Variants in VPS50 observed in about 807,000 individuals in gnomAD.
The protein encoded by VPS50 is syndetin.
Under a neutral mutation model 139.7 loss-of-function variants are expected in VPS50, and 70 were observed. That is an observed-to-expected ratio of 0.50 (90% CI 0.41 to 0.61). The LOEUF is 0.61. VPS50 is among the 20% of genes least tolerant of loss of function. The probability of loss-of-function intolerance (pLI) is 0.00; values close to 1 mark genes in which losing one functional copy is unlikely to be tolerated. For missense variants in VPS50, 921 were observed against 1,133.7 expected (o/e 0.81, Z 2.69); for synonymous variants, 365 against 376.7 (o/e 0.97, Z 0.36).
chr7:93,292,389 G>A (rs749177217), intron 13 of VPS50, among the ~76,000 whole-genome samples: 5 of 151,862 alleles, frequency 3.3e-5, no homozygotes, highest in East Asian at 3.8e-4. Flanking sequence ...TAAAGAATAC[G>A]TCTTTGAAAA....
chr7:93,343,178 T>C lies in VPS50; in HGVS notation c.2207+1603T>C, dbSNP rs1056801197. On this transcript the variant is annotated intron_variant, in intron 23 of 27. Coordinates refer to ENST00000305866, the MANE Select transcript of VPS50 (RefSeq NM_017667.4). The stretch of plus-strand genomic sequence containing the variant: ...TGAAAACCAAGGCTCGAGAACTACG[T>C]GAAGAATGCAGAAGCCTCAGGAGCC... 1.2e-3 allele frequency among the ~76,000 whole-genome samples: 177 copies of C among 151,942 alleles called. 1 individual carries two copies. In the Middle Eastern group the frequency reaches 0.027, roughly 23 times the overall value.
intron 2 of VPS50, 160 bp downstream of exon 2, chr7:93,240,094 T>G (rs1489272952): frequency 2.0e-6 from 1 of 510,336 alleles, no homozygotes; most frequent in Admixed American, 3.5e-5. Flanking sequence ...TAGGGCTTGT[T>G]TCATTACACG....
At chr7:93,285,484 A>G (rs1269323209) in intron 12 of VPS50, among the ~76,000 whole-genome samples, 1 of 152,222 alleles carries the variant, frequency 6.6e-6, no homozygotes, top group Non-Finnish European at 1.5e-5. Context: ...CGTATTTACT[A>G]CTTTACTTTG....
At chr7:93,253,779 A>G in intron 3 of VPS50, 81 bp from the exon 4 acceptor site, 2 of 743,608 alleles carry the variant, frequency 2.7e-6, no homozygotes, top group South Asian at 1.7e-5. Context: ...TTTGTAGTTC[A>G]CTAGTCAGAA....
At position 93,359,852 on chromosome 7, in the gene VPS50, T is replaced by C. The variant is rs1389564238; in HGVS notation, c.*1416T>C. 6.6e-6 allele frequency: 1 copy of C among 152,154 alleles called. No homozygotes were observed. The highest frequency in any genetic ancestry group is 1.5e-5 in the Non-Finnish European group (1 of 68,020). 9.4% of individuals were successfully genotyped at this position (152,154 alleles called of 1,614,324 possible). A position where few individuals can be genotyped will look rare whatever the true frequency, so the allele number is the denominator to read the frequency against. On this transcript the variant is annotated 3_prime_UTR_variant, in exon 28 of 28. Coordinates refer to ENST00000305866, the MANE Select transcript of VPS50 (RefSeq NM_017667.4). The stretch of plus-strand genomic sequence containing the variant: ...TGTAATGTGAAGCACTTTCAGAATA[T>C]GTTTGTGTGTGTCTGTATGCTGAGT...
intron 18 of VPS50, 49 bp from the exon 19 acceptor site, chr7:93,308,775 G>T: frequency 1.0e-6 from 1 of 974,364 alleles, no homozygotes; most frequent in South Asian, 1.4e-5. Context: ...GACACCCCAC[G>T]AAAAGAGGCC....
chr7:93,248,657 TTATC>T (rs1317647644), intron 2 of VPS50, among the ~76,000 whole-genome samples: 1 of 152,148 alleles, frequency 6.6e-6, no homozygotes, highest in Non-Finnish European at 1.5e-5. Flanking sequence ...TGATCAGTGA[TTATC>T]TATGGTGTGC....
intron 21 of VPS50, among the ~76,000 whole-genome samples, chr7:93,327,865 C>T (rs1797827019): frequency 6.6e-6 from 1 of 152,066 alleles, no homozygotes; most frequent in Non-Finnish European, 1.5e-5. Flanking sequence ...ATGGGAAGAA[C>T]AGGTTATGTG....
chr7:93,292,243 GAATT>G (rs908512827), intron 13 of VPS50, among the ~76,000 whole-genome samples: 5 of 151,954 alleles, frequency 3.3e-5, no homozygotes, highest in African/African-American at 9.7e-5. Flanking sequence ...TAGGTTCTAA[GAATT>G]AATTATATTG....
intron 11 of VPS50, chr7:93,272,988 A>G (rs1796054503): frequency 4.7e-6 from 1 of 214,694 alleles, no homozygotes; most frequent in African/African-American, 2.3e-5. Context: ...TTTTATGTAG[A>G]TTTTCCAATA....
chr7:93,345,984 T>C (rs560744243), intron 23 of VPS50, among the ~76,000 whole-genome samples: 17 of 152,230 alleles, frequency 1.1e-4, no homozygotes, highest in Middle Eastern at 3.4e-3. Flanking sequence ...CCAGGGCAAT[T>C]AGTCAGGAGA....
At chr7:93,241,090 C>G (rs558883816) in intron 2 of VPS50, among the ~76,000 whole-genome samples, 1 of 152,202 alleles carries the variant, frequency 6.6e-6, no homozygotes, top group South Asian at 2.1e-4. Context: ...AAAAGATTAT[C>G]ATGCATTATG....
intron 23 of VPS50, among the ~76,000 whole-genome samples, chr7:93,343,350 C>T (rs1335353907): frequency 2.0e-5 from 3 of 152,126 alleles, no homozygotes; most frequent in East Asian, 1.9e-4. Flanking sequence ...ACCAAATCTA[C>T]GTCTGATTGG....
At chr7:93,236,611 A>T (rs1423657678) in intron 1 of VPS50, among the ~76,000 whole-genome samples, 2 of 152,222 alleles carry the variant, frequency 1.3e-5, no homozygotes, top group African/African-American at 4.8e-5. Flanking sequence ...GTGGTTAATG[A>T]TAGCATCAAA....
At chr7:93,248,598 T>C (rs1795225012) in intron 2 of VPS50, among the ~76,000 whole-genome samples, 1 of 152,154 alleles carries the variant, frequency 6.6e-6, no homozygotes, top group Non-Finnish European at 1.5e-5. Flanking sequence ...TTTCCTTTCC[T>C]TTTGTCTTAT....
chr7:93,316,116 A>G (rs917571491), intron 20 of VPS50, among the ~76,000 whole-genome samples: 1 of 152,230 alleles, frequency 6.6e-6, no homozygotes, highest in South Asian at 2.1e-4. Flanking sequence ...ATAGGTTCTC[A>G]TAGATGAAGT....
chr7:93,358,078 T>C lies in VPS50; in HGVS notation c.2776-239T>C, dbSNP rs184650181. ...ACGCATGTCAGATTGCTTTGCCATATTAAAACAGATTCTAGTGCTTACTGT... is the reference window on the plus strand; with the variant it reads ...ACGCATGTCAGATTGCTTTGCCATACTAAAACAGATTCTAGTGCTTACTGT... On this transcript the variant is annotated intron_variant, in intron 27 of 27. Transcript: ENST00000305866. 6.8e-4 allele frequency among the ~76,000 whole-genome samples: 103 copies of C among 152,278 alleles called. 1 individual carries two copies. The East Asian group carries it at 0.019, about 28-fold the overall frequency.
At chr7:93,347,842 G>T in intron 23 of VPS50, among the ~76,000 whole-genome samples, 1 of 108,702 alleles carries the variant, frequency 9.2e-6, no homozygotes, top group African/African-American at 3.5e-5. Context: ...GGGGGGAGGG[G>T]GGAGGGATAG....
At chr7:93,331,159 C>G (rs955247094) in intron 21 of VPS50, among the ~76,000 whole-genome samples, 3 of 150,264 alleles carry the variant, frequency 2.0e-5, no homozygotes, top group Non-Finnish European at 4.4e-5. Flanking sequence ...TATTAGAAAA[C>G]TCAATATTGT....
Sources: allele counts gnomAD v4.1 joint callset (sites outside exome capture counted in the v4.1 genomes callset), GRCh38; gene constraint gnomAD v4.1.1; transcripts MANE v1.5; gene names NCBI Gene and HGNC (gene_info 2026-07-23, HGNC 2026-07-21).